Variants in TAF3 observed in about 807,000 individuals in gnomAD.
TAF3 encodes the protein TATA-box binding protein associated factor 3.
A neutral mutation model predicts 80.6 loss-of-function variants in TAF3; 7 were observed. The ratio of observed to expected loss-of-function variants is 0.09; its 90% CI spans 0.05 to 0.16. The LOEUF (loss-of-function observed/expected upper bound fraction) is 0.16. Ranked by LOEUF, TAF3 falls within the 10% of genes least tolerant of loss-of-function variation. TAF3 has a pLI of 1.00. For synonymous variants in TAF3, 444 were observed against 446.1 expected (o/e 1.00, Z 0.06); for missense variants, 921 against 1,140.2 (o/e 0.81, Z 2.77).
At chr10:7,907,936 A>G (rs1393890332) in intron 2 of TAF3, among the ~76,000 whole-genome samples, 4 of 152,178 alleles carry the variant, frequency 2.6e-5, no homozygotes, top group Non-Finnish European at 5.9e-5. Flanking sequence ...TGGGGACTGA[A>G]TCTGGAGCGG....
chr10:7,988,753 A>G (rs1170321757), intron 4 of TAF3, among the ~76,000 whole-genome samples: 2 of 41,200 alleles, frequency 4.9e-5, no homozygotes, highest in East Asian at 6.6e-4. Flanking sequence ...TGTCTCTCAG[A>G]AAAAAAAAAA....
chr10:7,984,575 T>G (rs1831758795), intron 4 of TAF3, among the ~76,000 whole-genome samples: 1 of 152,216 alleles, frequency 6.6e-6, no homozygotes, highest in Non-Finnish European at 1.5e-5. Context: ...TAATTTGTTG[T>G]AAAAGATCTT....
At chr10:7,967,144 C>G (rs1477063949) in intron 3 of TAF3, among the ~76,000 whole-genome samples, 1 of 152,182 alleles carries the variant, frequency 6.6e-6, no homozygotes, top group Non-Finnish European at 1.5e-5. Flanking sequence ...ACACAGCTAG[C>G]AAGAGCCAGG....
chr10:7,935,641 T>TG (rs1837911962), intron 2 of TAF3, among the ~76,000 whole-genome samples: 2 of 151,888 alleles, frequency 1.3e-5, no homozygotes, highest in South Asian at 4.2e-4. Context: ...CAGAGAATAC[T>TG]GGGGGGTTCA....
chr10:7,820,166 A>G (rs534635494), intron 1 of TAF3, among the ~76,000 whole-genome samples: 10 of 152,288 alleles, frequency 6.6e-5, no homozygotes, highest in African/African-American at 2.4e-4. Context: ...TGGCCCACCA[A>G]TAGTATTACT....
chr10:7,911,943 A>T (rs1477630634), intron 2 of TAF3, among the ~76,000 whole-genome samples: 1 of 152,138 alleles, frequency 6.6e-6, no homozygotes, highest in Non-Finnish European at 1.5e-5. Context: ...ACTTAAGTTT[A>T]AAGCCCTTAC....
chr10:7,950,773 G>C (rs543647155), intron 2 of TAF3, among the ~76,000 whole-genome samples: 2 of 152,146 alleles, frequency 1.3e-5, no homozygotes, highest in Non-Finnish European at 1.5e-5. Flanking sequence ...GTCAGCTCTC[G>C]CACTATAAGG....
At chr10:7,921,830 T>C (rs1260317832) in intron 2 of TAF3, among the ~76,000 whole-genome samples, 1 of 152,120 alleles carries the variant, frequency 6.6e-6, no homozygotes, top group African/African-American at 2.4e-5. Flanking sequence ...AAACTACTTA[T>C]TTTAAAATGA....
chr10:7,919,089 C>T (rs1467998763), intron 2 of TAF3, among the ~76,000 whole-genome samples: 1 of 152,036 alleles, frequency 6.6e-6, no homozygotes, highest in African/African-American at 2.4e-5. Context: ...ACAGATTGTG[C>T]ATTTCAGAGG....
chr10:7,875,862 A>C (rs1228356933), intron 2 of TAF3, among the ~76,000 whole-genome samples: 1 of 152,184 alleles, frequency 6.6e-6, no homozygotes, highest in Non-Finnish European at 1.5e-5. Flanking sequence ...AGAAGGCAAT[A>C]AAAGCAGCAA....
intron 2 of TAF3, among the ~76,000 whole-genome samples, chr10:7,923,397 T>C (rs752339586): frequency 6.6e-6 from 1 of 152,090 alleles, no homozygotes; most frequent in Non-Finnish European, 1.5e-5. Flanking sequence ...GAAAATGGAC[T>C]CGTGTCCTTT....
intron 2 of TAF3, among the ~76,000 whole-genome samples, chr10:7,851,763 C>G (rs1174527248): frequency 6.6e-6 from 1 of 152,044 alleles, no homozygotes; most frequent in Non-Finnish European, 1.5e-5. Context: ...TATTATCACA[C>G]CCTTAAAATT....
chr10:7,868,150 G>C (rs1020097876), intron 2 of TAF3, among the ~76,000 whole-genome samples: 1 of 152,148 alleles, frequency 6.6e-6, no homozygotes, highest in Non-Finnish European at 1.5e-5. Context: ...GTAGTTCAAA[G>C]CCATGTTGTT....
At position 7,818,543 on chromosome 10, in the gene TAF3, G is replaced by A. The variant is rs1836653191; in HGVS notation, c.-167G>A. On this transcript the variant is annotated 5_prime_UTR_variant, in exon 1 of 7. Coordinates refer to ENST00000344293, the MANE Select transcript of TAF3 (RefSeq NM_031923.4). ...GCGAGTCCAAAATGGCGGCTCTCAG[G>A]CTGGCGCGCTCCGTGCTGCTGGGGC... The A allele has an allele frequency of 1.6e-6, 1 of 641,936 alleles. No homozygotes were observed. The highest frequency in any genetic ancestry group is 3.4e-5 in the East Asian group (1 of 29,268). The allele number at this position is 641,936 out of a possible 1,614,324, so 39.8% of individuals were successfully genotyped here.
At chr10:7,821,525 G>T (rs986491528) in intron 1 of TAF3, among the ~76,000 whole-genome samples, 3 of 152,180 alleles carry the variant, frequency 2.0e-5, no homozygotes, top group Non-Finnish European at 4.4e-5. Context: ...TCTTCTAAAA[G>T]AAATGTTCTC....
chr10:7,963,354 A>G (rs1831529588), intron 2 of TAF3, among the ~76,000 whole-genome samples: 1 of 152,180 alleles, frequency 6.6e-6, no homozygotes, highest in Non-Finnish European at 1.5e-5. Context: ...TAATTCAGGA[A>G]ACAACAGAAG....
chr10:7,841,886 T>A (rs529089368), intron 2 of TAF3, among the ~76,000 whole-genome samples: 2 of 152,288 alleles, frequency 1.3e-5, no homozygotes, highest in East Asian at 1.9e-4. Context: ...TTATTTTTTT[T>A]AAATAATCAG....
chr10:7,922,151 T>G (rs1393359339), intron 2 of TAF3, among the ~76,000 whole-genome samples: 2 of 152,132 alleles, frequency 1.3e-5, no homozygotes, highest in Admixed American at 6.5e-5. Context: ...GCCTCTTGAA[T>G]CTTGTCAGAT....
chr10:7,827,275 A>G (rs959014717), intron 2 of TAF3, among the ~76,000 whole-genome samples: 3 of 152,222 alleles, frequency 2.0e-5, no homozygotes, highest in African/African-American at 7.2e-5. Flanking sequence ...TCATCTGTAA[A>G]ATAAGTGTAA....
Sources: allele counts gnomAD v4.1 joint callset (sites outside exome capture counted in the v4.1 genomes callset), GRCh38; gene constraint gnomAD v4.1.1; transcripts MANE v1.5; gene names NCBI Gene and HGNC (gene_info 2026-07-23, HGNC 2026-07-21).